Variants in SLC6A11 observed in about 807,000 individuals in gnomAD.
SLC6A11 encodes the protein solute carrier family 6 member 11, also known as sodium- and chloride-dependent GABA transporter 3.
In SLC6A11, 25 loss-of-function variants were observed where a neutral mutation model predicts 74.8. That is an observed-to-expected ratio of 0.33 (90% confidence interval 0.24 to 0.47). The LOEUF (loss-of-function observed/expected upper bound fraction) is 0.47. Among genes scored for constraint, SLC6A11 ranks in the 20% least tolerant of loss-of-function variants. The pLI is 1.00. For missense variants in SLC6A11, 574 were observed against 837.0 expected, an observed-to-expected ratio of 0.69 and a Z score of 3.88; for synonymous variants, 330 against 330.2, an observed-to-expected ratio of 1.00 and a Z score of 0.01.
chr3:10,852,032 G>T (rs570211589), intron 5 of SLC6A11, among the ~76,000 whole-genome samples: 3 of 152,244 alleles, frequency 2.0e-5, no homozygotes, highest in Admixed American at 2.0e-4. Context: ...GAGGCATAAA[G>T]CAGGAGTAGA....
intron 4 of SLC6A11, among the ~76,000 whole-genome samples, chr3:10,838,692 C>T (rs781202353): frequency 6.6e-6 from 1 of 152,074 alleles, no homozygotes; most frequent in Non-Finnish European, 1.5e-5. Flanking sequence ...GAGGTTGCAG[C>T]GAGCTGAGAT....
At chr3:10,916,743 G>T (rs1364556831) in intron 7 of SLC6A11, among the ~76,000 whole-genome samples, 1 of 152,210 alleles carries the variant, frequency 6.6e-6, no homozygotes, top group Non-Finnish European at 1.5e-5. Flanking sequence ...TTGTGAGAGT[G>T]ATTCCTTGCT....
At chr3:10,850,650 T>C (rs1054697439) in intron 5 of SLC6A11, among the ~76,000 whole-genome samples, 2 of 152,180 alleles carry the variant, frequency 1.3e-5, no homozygotes, top group Non-Finnish European at 2.9e-5. Context: ...GGTGAACTTG[T>C]GCGGCAAAGT....
intron 5 of SLC6A11, among the ~76,000 whole-genome samples, chr3:10,864,198 A>C (rs1694736650): frequency 6.6e-6 from 1 of 151,934 alleles, no homozygotes; most frequent in Admixed American, 6.5e-5. Flanking sequence ...GGAATGAGCC[A>C]TGGGTGTAGG....
chr3:10,927,598 T>C (rs1695626409), intron 9 of SLC6A11, among the ~76,000 whole-genome samples: 1 of 152,218 alleles, frequency 6.6e-6, no homozygotes, highest in African/African-American at 2.4e-5. Context: ...GTTTCAATCC[T>C]GGATAAACAA....
chr3:10,870,999 G>T (rs957081192), intron 5 of SLC6A11, among the ~76,000 whole-genome samples: 1 of 152,232 alleles, frequency 6.6e-6, no homozygotes, highest in Non-Finnish European at 1.5e-5. Flanking sequence ...GTGAATAGCA[G>T]TGGAGGGAAT....
intron 10 of SLC6A11, 130 bp from the exon 11 acceptor site, chr3:10,933,021 G>C: frequency 1.4e-6 from 1 of 697,072 alleles, no homozygotes; most frequent in South Asian, 1.7e-5. Context: ...GGGAAGACTA[G>C]GGAGAAACAG....
At chr3:10,905,299 A>G (rs915640943) in intron 6 of SLC6A11, among the ~76,000 whole-genome samples, 3 of 152,202 alleles carry the variant, frequency 2.0e-5, no homozygotes, top group East Asian at 1.9e-4. Flanking sequence ...GGTGTGGCCA[A>G]TGATATGTAT....
chr3:10,864,192 T>A (rs1694736578), intron 5 of SLC6A11, among the ~76,000 whole-genome samples: 1 of 151,968 alleles, frequency 6.6e-6, no homozygotes, highest in Non-Finnish European at 1.5e-5. Context: ...AGGACTGGAA[T>A]GAGCCATGGG....
intron 5 of SLC6A11, among the ~76,000 whole-genome samples, chr3:10,869,715 C>G (rs1360096913): frequency 2.0e-5 from 3 of 152,232 alleles, no homozygotes; most frequent in Non-Finnish European, 4.4e-5. Flanking sequence ...CATCATATCC[C>G]ACAACCTTGA....
At chr3:10,866,445 A>G (rs557248431) in intron 5 of SLC6A11, among the ~76,000 whole-genome samples, 2 of 152,272 alleles carry the variant, frequency 1.3e-5, no homozygotes, top group Admixed American at 1.3e-4. Context: ...GATGGAGACC[A>G]CCTGCTGGGC....
chr3:10,897,061 C>G (rs1003782080), intron 6 of SLC6A11, among the ~76,000 whole-genome samples: 1 of 152,116 alleles, frequency 6.6e-6, no homozygotes, highest in Non-Finnish European at 1.5e-5. Flanking sequence ...AAGGGGTTTC[C>G]CCTTATCAAA....
chr3:10,818,461 A>G (rs1694093269), intron 1 of SLC6A11, among the ~76,000 whole-genome samples: 1 of 152,208 alleles, frequency 6.6e-6, no homozygotes, highest in Non-Finnish European at 1.5e-5. Flanking sequence ...TGAGATCCCA[A>G]CAATAAAGTA....
intron 5 of SLC6A11, among the ~76,000 whole-genome samples, chr3:10,872,005 T>A (rs534529489): frequency 1.1e-4 from 16 of 152,236 alleles, no homozygotes. Context: ...TTTTGAGGAC[T>A]GGGTTTAAAA....
chr3:10,872,881 G>T (rs1225893084), intron 5 of SLC6A11, among the ~76,000 whole-genome samples: 1 of 152,228 alleles, frequency 6.6e-6, no homozygotes, highest in African/African-American at 2.4e-5. Context: ...ATGCGTATCT[G>T]CATCTGAGCA....
chr3:10,825,645 A>T (rs570748489), intron 4 of SLC6A11: 2 of 152,124 alleles, frequency 1.3e-5, no homozygotes, highest in Admixed American at 6.5e-5. Context: ...AAAATTTTCC[A>T]TATTTTCTTC....
At chr3:10,831,206 C>A (rs1316679407) in intron 4 of SLC6A11, among the ~76,000 whole-genome samples, 1 of 152,022 alleles carries the variant, frequency 6.6e-6, no homozygotes, top group East Asian at 1.9e-4. Context: ...TTCTAAACAA[C>A]AGCAACAGAA....
rs1371600751 is a variant in SLC6A11, at chr3:10,926,001, C to T, written c.1121-3C>T. 3 of 1,583,736 alleles carry T rather than the reference C, an allele frequency of 1.9e-6. No homozygotes were observed. In the South Asian group the frequency reaches 3.3e-5, roughly 18 times the overall value. On this transcript the variant is annotated splice_polypyrimidine_tract_variant and splice_region_variant and intron_variant, in intron 8 of 13. Transcript: ENST00000254488. This position sits in a 1 kb window ranked among gnomAD's most constrained non-coding sequence, Gnocchi z 5.7. ...GTGGCTTTCTCTCTCTCCCTCGCTC[C>T]AGGCCCCGGCCTGGCCTTTATTGCG...
In SLC6A11 at chr3:10,914,547, G is replaced by A. The variant is rs369043283; in HGVS notation, c.995+2354G>A. Among the ~76,000 whole-genome samples, 18 of 152,294 alleles carry A rather than the reference G, an allele frequency of 1.2e-4. No homozygotes were observed. In the South Asian group the frequency reaches 2.1e-3, roughly 18 times the overall value. ...GAATCCAGTGTGCCATCAGGCCGCCGTGAGTTCTGCTTCTGGGGTTCTTTG... is the reference window on the plus strand; with the variant it reads ...GAATCCAGTGTGCCATCAGGCCGCCATGAGTTCTGCTTCTGGGGTTCTTTG... On this transcript the variant is annotated intron_variant, in intron 7 of 13. Coordinates refer to ENST00000254488, the MANE Select transcript of SLC6A11 (RefSeq NM_014229.3).
Sources: gnomAD v4.1 joint callset for allele counts (sites outside exome capture counted in the v4.1 genomes callset) on GRCh38, gnomAD v4.1.1 for gene constraint, Gnocchi (gnomAD v3.1) non-coding constraint, MANE v1.5 for transcripts, NCBI Gene and HGNC (gene_info 2026-07-23, HGNC 2026-07-21) for gene names.